Variants in PLCG2 observed in about 807,000 individuals in gnomAD.
PLCG2 encodes the protein 1-phosphatidylinositol 4,5-bisphosphate phosphodiesterase gamma-2.
In PLCG2, 69 loss-of-function variants were observed where a neutral mutation model predicts 175.6. The observed-to-expected ratio is 0.39, with a 90% confidence interval of 0.32 to 0.48. The LOEUF is 0.48. Among genes scored for constraint, PLCG2 ranks in the 20% least tolerant of loss-of-function variants. The pLI, the probability that PLCG2 is intolerant of heterozygous loss-of-function variation, is 0.91. For missense variants in PLCG2, 1,798 were observed against 1,650.9 expected (o/e 1.09, Z -1.54); for synonymous variants, 827 against 624.0 (o/e 1.33, Z -4.85).
intron 32 of PLCG2, among the ~76,000 whole-genome samples, chr16:81,957,246 C>T (rs1331355967): frequency 6.6e-6 from 1 of 152,068 alleles, no homozygotes; most frequent in Non-Finnish European, 1.5e-5. Flanking sequence ...TTGCAGTGAG[C>T]CGAGATCACA....
At chr16:81,954,433 G>C (rs1174627687) in intron 31 of PLCG2, among the ~76,000 whole-genome samples, 1 of 152,166 alleles carries the variant, frequency 6.6e-6, no homozygotes, top group Non-Finnish European at 1.5e-5. Flanking sequence ...ATAGGTATAC[G>C]TGTGCCATGG....
intron 14 of PLCG2, among the ~76,000 whole-genome samples, chr16:81,905,107 G>C (rs369064818): frequency 6.6e-6 from 1 of 152,216 alleles, no homozygotes; most frequent in Admixed American, 6.5e-5. Flanking sequence ...GGCTGGTCTA[G>C]AACTCCTGAG....
chr16:81,753,635 C>G (rs1232477169), intron 1 of PLCG2, among the ~76,000 whole-genome samples: 2 of 152,124 alleles, frequency 1.3e-5, no homozygotes, highest in African/African-American at 4.8e-5. Context: ...CCAGGCTGAC[C>G]TGGCCTCAAG....
chr16:81,824,517 C>A (rs1238357518), intron 2 of PLCG2, among the ~76,000 whole-genome samples: 1 of 152,178 alleles, frequency 6.6e-6, no homozygotes, highest in Non-Finnish European at 1.5e-5. Context: ...TTTTGTGGAG[C>A]CAGGTGTGGC....
At chr16:81,789,765 C>G (rs1458365385) in intron 2 of PLCG2, among the ~76,000 whole-genome samples, 6 of 151,970 alleles carry the variant, frequency 3.9e-5, no homozygotes, top group African/African-American at 1.5e-4. Context: ...GAGACACTGC[C>G]CTTCCTCCAC....
At chr16:81,830,043 G>A (rs1905199183) in intron 2 of PLCG2, among the ~76,000 whole-genome samples, 1 of 151,994 alleles carries the variant, frequency 6.6e-6, no homozygotes, top group Admixed American at 6.6e-5. Context: ...ATAGTGGCCG[G>A]GTGCAGTGGC....
At chr16:81,775,658 G>A (rs1007864359), upstream of PLCG2, among the ~76,000 whole-genome samples, 3 of 152,042 alleles carry the variant, frequency 2.0e-5, no homozygotes, top group East Asian at 5.8e-4. Flanking sequence ...AGGGTAATAG[G>A]GAAAAGCATT....
intron 2 of PLCG2, among the ~76,000 whole-genome samples, chr16:81,837,361 A>G (rs1418752483): frequency 2.6e-5 from 4 of 152,234 alleles, no homozygotes; most frequent in Non-Finnish European, 5.9e-5. Context: ...TGCCTTTTCC[A>G]AACGAGTGGG....
At chr16:81,892,330 C>G (rs1908675955) in intron 11 of PLCG2, among the ~76,000 whole-genome samples, 1 of 152,168 alleles carries the variant, frequency 6.6e-6, no homozygotes, top group Non-Finnish European at 1.5e-5. Flanking sequence ...GGGATGGTTA[C>G]TCTGATTGCA....
intron 31 of PLCG2, 71 bp from the exon 32 acceptor site, chr16:81,956,624 G>C (rs1911579037): frequency 1.4e-6 from 2 of 1,390,276 alleles, no homozygotes; most frequent in East Asian, 2.3e-5. Context: ...ATGCTTGTGA[G>C]ATGCCAGGTT....
chr16:81,946,248 G>A lies in PLCG2; in HGVS notation c.3555G>A (p.Glu1185=), dbSNP rs763487073. The A allele has an allele frequency of 5.0e-6, 8 of 1,613,540 alleles. No homozygotes were observed. Among genetic ancestry groups the A allele is most frequent in the Non-Finnish European group, 6.8e-6 (8 of 1,179,488 alleles). Residue 1185 remains glutamate (E), a synonymous_variant, in exon 31 of 33, where the codon GAG becomes GAA. Coordinates refer to ENST00000564138, the MANE Select transcript of PLCG2 (RefSeq NM_002661.5). ...IELASLLVFC[E]MRPVLESEEE... ...TGGCTTCCCTCCTGGTTTTCTGTGA[G>A]ATGCGGCCAGTCCTGGTGAGTGGAG...
chr16:81,887,185 T>C (rs1908411929), intron 9 of PLCG2, among the ~76,000 whole-genome samples: 2 of 151,590 alleles, frequency 1.3e-5, no homozygotes, highest in Admixed American at 1.3e-4. Context: ...AGTGGCGCGA[T>C]CTCTGCTCAC....
At chr16:81,748,366 G>A (rs1909744559) in intron 1 of PLCG2, among the ~76,000 whole-genome samples, 1 of 151,796 alleles carries the variant, frequency 6.6e-6, no homozygotes, top group Non-Finnish European at 1.5e-5. Context: ...CTCTAGCCTG[G>A]GTGACAGAGT....
At chr16:81,877,557 C>G (rs903570216) in intron 7 of PLCG2, among the ~76,000 whole-genome samples, 5 of 152,228 alleles carry the variant, frequency 3.3e-5, no homozygotes, top group African/African-American at 1.2e-4. Flanking sequence ...TCGGAAGGCT[C>G]CAGGGAAGGA....
At chr16:81,782,833 C>G (rs532734596) in intron 1 of PLCG2, among the ~76,000 whole-genome samples, 84 of 152,340 alleles carry the variant, frequency 5.5e-4, no homozygotes, top group African/African-American at 1.8e-3. Context: ...ATTACTGCTG[C>G]ACCTTACACC....
intron 24 of PLCG2, among the ~76,000 whole-genome samples, chr16:81,930,405 C>T (rs1231739224): frequency 6.6e-6 from 1 of 152,136 alleles, no homozygotes; most frequent in African/African-American, 2.4e-5. Context: ...ATTCTTCAGT[C>T]TCCACATTTG....
chr16:81,852,973 G>C (rs914390403), intron 2 of PLCG2, among the ~76,000 whole-genome samples: 1 of 152,180 alleles, frequency 6.6e-6, no homozygotes, highest in Admixed American at 6.5e-5. Flanking sequence ...CAGGTAGTCT[G>C]ACTTCTTACA....
intron 2 of PLCG2, among the ~76,000 whole-genome samples, chr16:81,841,178 C>G (rs1018353110): frequency 6.6e-6 from 1 of 151,994 alleles, no homozygotes; most frequent in Non-Finnish European, 1.5e-5. Context: ...GCAGGCCCAC[C>G]CCCTATCTGC....
At chr16:81,831,367 G>T (rs746601908) in intron 2 of PLCG2, among the ~76,000 whole-genome samples, 5 of 152,186 alleles carry the variant, frequency 3.3e-5, no homozygotes, top group Non-Finnish European at 7.3e-5. Flanking sequence ...GACCATCATC[G>T]TGAGAATCTG....
Sources: gnomAD v4.1 joint callset for allele counts (sites outside exome capture counted in the v4.1 genomes callset) on GRCh38, gnomAD v4.1.1 for gene constraint, MANE v1.5 for transcripts, NCBI Gene and HGNC (gene_info 2026-07-23, HGNC 2026-07-21) for gene names.